The following MAGI2 variants were observed in gnomAD, a reference collection of about 807,000 sequenced individuals.
MAGI2 encodes membrane associated guanylate kinase, WW and PDZ domain containing 2.
In MAGI2, 35 loss-of-function variants were observed where a neutral mutation model predicts 133.3. The observed-to-expected ratio is 0.26, with a 90% CI of 0.20 to 0.35. The LOEUF (loss-of-function observed/expected upper bound fraction) is 0.35, where lower values mean the gene tolerates loss of function less well. Ranked by LOEUF, MAGI2 falls within the 10% of genes least tolerant of loss-of-function variation. MAGI2 has a pLI of 1.00. For synonymous variants in MAGI2, 729 were observed against 710.6 expected (o/e 1.03, Z -0.41); for missense variants, 1,636 against 1,863.4 (o/e 0.88, Z 2.25).
At chr7:78,467,524 C>A (rs191470191) in intron 6 of MAGI2, among the ~76,000 whole-genome samples, 32 of 151,836 alleles carry the variant, frequency 2.1e-4, no homozygotes, top group Middle Eastern at 3.4e-3. Context: ...TAAAAGAGAT[C>A]TAGAAAGCTC....
intron 1 of MAGI2, chr7:79,414,559 G>T (rs1846369661): frequency 6.6e-6 from 1 of 151,982 alleles, no homozygotes; most frequent in South Asian, 2.1e-4. Flanking sequence ...TTTTGCAAAT[G>T]GATCTATTTG....
chr7:78,376,739 C>T (rs1304851686), intron 6 of MAGI2, among the ~76,000 whole-genome samples: 1 of 152,056 alleles, frequency 6.6e-6, no homozygotes, highest in East Asian at 1.9e-4. Flanking sequence ...TTTTGCAACA[C>T]TAACTTAAAT....
intron 21 of MAGI2, among the ~76,000 whole-genome samples, chr7:78,040,560 T>A (rs768169869): frequency 2.7e-4 from 41 of 152,276 alleles, no homozygotes; most frequent in Admixed American, 2.5e-3. Flanking sequence ...CGACTGGGAA[T>A]GAGGGGATCC....
In MAGI2 at chr7:78,850,963, A is replaced by G. The variant is rs1034453544; in HGVS notation, c.418+156127T>C. ...ATTTTCACTATATTTTAAACATAAA[A>G]TGAATATCACATGACTGGATGTCTT... On this transcript the variant is annotated intron_variant, in intron 2 of 21. Transcript: ENST00000354212. Among the ~76,000 whole-genome samples the G allele has an allele frequency of 4.6e-5, 7 of 152,268 alleles. No individual in the cohort carries two copies. The East Asian group carries it at 1.2e-3, about 25-fold the overall frequency.
chr7:78,539,533 A>T (rs1798238728), intron 3 of MAGI2, among the ~76,000 whole-genome samples: 3 of 152,094 alleles, frequency 2.0e-5, no homozygotes, highest in Non-Finnish European at 2.9e-5. Flanking sequence ...ATTTAATGCT[A>T]TGAACTTTCC....
intron 1 of MAGI2, among the ~76,000 whole-genome samples, chr7:79,045,218 G>A (rs755774167): frequency 1.3e-5 from 2 of 152,174 alleles, no homozygotes; most frequent in Non-Finnish European, 2.9e-5. Context: ...TCCTAGGGGT[G>A]AGGATGAGGT....
chr7:78,356,366 T>C (rs1000291883), intron 7 of MAGI2, among the ~76,000 whole-genome samples: 10 of 152,146 alleles, frequency 6.6e-5, no homozygotes, highest in Non-Finnish European at 7.4e-5. Flanking sequence ...TTAAAGGATA[T>C]AGACTTACAG....
intron 9 of MAGI2, among the ~76,000 whole-genome samples, chr7:78,327,892 C>T (rs1428565160): frequency 1.3e-5 from 2 of 152,106 alleles, no homozygotes; most frequent in Non-Finnish European, 2.9e-5. Flanking sequence ...TTTGTATAAC[C>T]TCTGCTTGTC....
intron 3 of MAGI2, among the ~76,000 whole-genome samples, chr7:78,537,301 A>G (rs957497851): frequency 6.6e-6 from 1 of 152,164 alleles, no homozygotes; most frequent in African/African-American, 2.4e-5. Flanking sequence ...GTGCTGCTAT[A>G]AACGTGGGTG....
chr7:78,869,294 T>C (rs888568538), intron 2 of MAGI2, among the ~76,000 whole-genome samples: 3 of 152,206 alleles, frequency 2.0e-5, no homozygotes, highest in Non-Finnish European at 4.4e-5. Flanking sequence ...ATGGACTCTT[T>C]GCCTATGCCA....
chr7:78,636,351 C>CTTTTTT (rs34984460), intron 2 of MAGI2, among the ~76,000 whole-genome samples: 1 of 129,224 alleles, frequency 7.7e-6, no homozygotes, highest in African/African-American at 2.8e-5. Flanking sequence ...CAAAAACAGG[C>CTTTTTT]TTTTTTTTTT....
At chr7:79,171,440 T>G (rs1179896894) in intron 1 of MAGI2, among the ~76,000 whole-genome samples, 8 of 151,858 alleles carry the variant, frequency 5.3e-5, no homozygotes, top group Admixed American at 5.3e-4. Flanking sequence ...CTCATATTAT[T>G]CTAAAGTCTA....
At chr7:79,196,934 A>C (rs1828136303) in intron 1 of MAGI2, among the ~76,000 whole-genome samples, 1 of 151,370 alleles carries the variant, frequency 6.6e-6, no homozygotes, top group Non-Finnish European at 1.5e-5. Context: ...TGCCTAGTTA[A>C]TTTTTGATTT....
chr7:79,144,248 A>G (rs2129546427), intron 1 of MAGI2, among the ~76,000 whole-genome samples: 1 of 152,342 alleles, frequency 6.6e-6, no homozygotes, highest in East Asian at 1.9e-4. Context: ...GTAAGTTCAT[A>G]TAAAGCACTG....
At chr7:78,446,832 C>T (rs896038190) in intron 6 of MAGI2, among the ~76,000 whole-genome samples, 5 of 152,076 alleles carry the variant, frequency 3.3e-5, no homozygotes, top group African/African-American at 1.2e-4. Context: ...TGCTTATAAG[C>T]ATGAAACAAC....
At chr7:78,036,825 G>A (rs1654039320) in intron 21 of MAGI2, among the ~76,000 whole-genome samples, 1 of 152,060 alleles carries the variant, frequency 6.6e-6, no homozygotes, top group Non-Finnish European at 1.5e-5. Flanking sequence ...TGTTGCCCAG[G>A]CTGGTCTTGA....
intron 3 of MAGI2, among the ~76,000 whole-genome samples, chr7:78,613,772 G>A (rs1264202422): frequency 1.3e-5 from 2 of 152,100 alleles, no homozygotes; most frequent in Non-Finnish European, 2.9e-5. Context: ...AATATAATAG[G>A]CCAAATGTCT....
At chr7:79,237,679 A>G (rs1832047935) in intron 1 of MAGI2, among the ~76,000 whole-genome samples, 1 of 152,096 alleles carries the variant, frequency 6.6e-6, no homozygotes, top group Non-Finnish European at 1.5e-5. Context: ...AATATACCCT[A>G]CTTTCCTCAC....
At chr7:79,026,702 G>A (rs538493510) in intron 1 of MAGI2, among the ~76,000 whole-genome samples, 2 of 151,950 alleles carry the variant, frequency 1.3e-5, no homozygotes, top group East Asian at 3.9e-4. Flanking sequence ...ATGAAACCCC[G>A]TTTCCACTAA....
Sources: allele counts gnomAD v4.1 joint callset (sites outside exome capture counted in the v4.1 genomes callset), GRCh38; gene constraint gnomAD v4.1.1; transcripts MANE v1.5; gene names NCBI Gene and HGNC (gene_info 2026-07-23, HGNC 2026-07-21).